BBS9: variants seen among roughly 807,000 people sequenced by gnomAD.
BBS9 encodes Bardet-Biedl syndrome 9.
BBS9 carries 89 observed loss-of-function variants against 117.7 expected under a neutral mutation model. The observed-to-expected ratio is 0.76, with a 90% CI of 0.64 to 0.90. The LOEUF (loss-of-function observed/expected upper bound fraction) is 0.90, where lower values mean the gene tolerates loss of function less well. BBS9 is among the 40% of genes least tolerant of loss of function. The pLI, the probability that BBS9 is intolerant of heterozygous loss-of-function variation, is 0.00. For missense variants in BBS9, 982 were observed against 1,042.2 expected (o/e 0.94, Z 0.80); for synonymous variants, 379 against 370.9 (o/e 1.02, Z -0.25).
intron 19 of BBS9, among the ~76,000 whole-genome samples, chr7:33,489,699 G>C (rs904115836): frequency 6.6e-6 from 1 of 152,038 alleles, no homozygotes; most frequent in Non-Finnish European, 1.5e-5. Flanking sequence ...GGTGTTTTTA[G>C]GGGAATTAAA....
At chr7:33,209,494 A>G (rs970832420) in intron 5 of BBS9, among the ~76,000 whole-genome samples, 1 of 152,030 alleles carries the variant, frequency 6.6e-6, no homozygotes. Context: ...TGGTAGCTCT[A>G]TTTTTGATTT....
downstream of BBS9, among the ~76,000 whole-genome samples, chr7:33,609,272 C>G (rs1864745586): frequency 6.6e-6 from 1 of 152,024 alleles, no homozygotes; most frequent in South Asian, 2.1e-4. Flanking sequence ...TTGAAATGAT[C>G]TTCATTACCA....
intron 19 of BBS9, among the ~76,000 whole-genome samples, chr7:33,407,114 T>C (rs1317252751): frequency 6.6e-6 from 1 of 152,230 alleles, no homozygotes; most frequent in Non-Finnish European, 1.5e-5. Flanking sequence ...CCCATATTTC[T>C]TGGAGGCTTT....
chr7:33,553,194 C>G (rs1263298517), intron 21 of BBS9, among the ~76,000 whole-genome samples: 1 of 152,164 alleles, frequency 6.6e-6, no homozygotes, highest in Non-Finnish European at 1.5e-5. Flanking sequence ...CACTCATGGT[C>G]TCTTGGACTT....
chr7:33,238,153 C>G (rs1028902705), intron 5 of BBS9, among the ~76,000 whole-genome samples: 1 of 152,190 alleles, frequency 6.6e-6, no homozygotes, highest in African/African-American at 2.4e-5. Flanking sequence ...CATTTGCCTT[C>G]TTGCCAAGGT....
chr7:33,611,950 G>A (rs1260739909), intron 21 of BBS9, among the ~76,000 whole-genome samples: 3 of 150,254 alleles, frequency 2.0e-5, no homozygotes, highest in African/African-American at 7.3e-5. Context: ...CTCCTCTGAT[G>A]CCTGGTTGTC....
chr7:33,601,040 AG>A (rs1306116520), intron 21 of BBS9, among the ~76,000 whole-genome samples: 1 of 152,210 alleles, frequency 6.6e-6, no homozygotes. Context: ...GAAAAGGGGC[AG>A]GGGGAGGGCC....
intron 9 of BBS9, among the ~76,000 whole-genome samples, chr7:33,292,783 G>A (rs1407162867): frequency 2.6e-5 from 4 of 152,084 alleles, no homozygotes; most frequent in African/African-American, 9.7e-5. Context: ...CAAGGCAGGT[G>A]GATCACGAGA....
chr7:33,240,324 C>T (rs1794279208), intron 5 of BBS9, among the ~76,000 whole-genome samples: 1 of 150,398 alleles, frequency 6.6e-6, no homozygotes, highest in Non-Finnish European at 1.5e-5. Flanking sequence ...GTGCCATGAT[C>T]ATGGCTCACT....
intron 9 of BBS9, among the ~76,000 whole-genome samples, chr7:33,295,526 T>C (rs1206217867): frequency 6.6e-6 from 1 of 151,982 alleles, no homozygotes; most frequent in African/African-American, 2.4e-5. Flanking sequence ...TCTGCAGAAT[T>C]TTTTCTACCT....
intron 9 of BBS9, among the ~76,000 whole-genome samples, chr7:33,294,787 A>G (rs538230635): frequency 3.3e-5 from 5 of 152,324 alleles, no homozygotes; most frequent in South Asian, 2.1e-4. Context: ...TAGAAATTCA[A>G]ATGGTTGCTT....
At chr7:33,609,202 G>T (rs542544544), downstream of BBS9, among the ~76,000 whole-genome samples, 174 of 152,058 alleles carry the variant, frequency 1.1e-3, 2 homozygotes, top group South Asian at 9.4e-3. Flanking sequence ...TCACTATTTT[G>T]TTCCATTGGT....
intron 5 of BBS9, among the ~76,000 whole-genome samples, chr7:33,209,690 C>T (rs951913300): frequency 6.6e-6 from 1 of 152,154 alleles, no homozygotes; most frequent in African/African-American, 2.4e-5. Flanking sequence ...TATAGTTGCT[C>T]ATAGTACCTC....
chr7:33,309,375 T>G (rs757504528), intron 9 of BBS9, among the ~76,000 whole-genome samples: 5 of 147,400 alleles, frequency 3.4e-5, no homozygotes, highest in Non-Finnish European at 3.0e-5. Context: ...GTTTGACTGG[T>G]GAATGAACCC....
At chr7:33,635,513 C>T (rs1323858238) in exon 22 of BBS9, among the ~76,000 whole-genome samples, 2 of 152,342 alleles carry the variant, frequency 1.3e-5, no homozygotes, top group African/African-American at 4.8e-5. Context: ...GCGGCTCTTC[C>T]AGTCTGTGAG....
intron 19 of BBS9, among the ~76,000 whole-genome samples, chr7:33,445,062 A>G (rs1479383369): frequency 6.6e-5 from 10 of 152,140 alleles, no homozygotes; most frequent in Admixed American, 4.6e-4. Flanking sequence ...TGAGTGGAGA[A>G]AGGAGAGGAA....
At chr7:33,215,187 C>T (rs180856615) in intron 5 of BBS9, among the ~76,000 whole-genome samples, 7 of 152,024 alleles carry the variant, frequency 4.6e-5, no homozygotes, top group South Asian at 2.1e-4. Context: ...AGCGAGACTC[C>T]GTCTCAGAAA....
At chr7:33,551,221 T>G (rs896000129) in intron 21 of BBS9, among the ~76,000 whole-genome samples, 1 of 152,056 alleles carries the variant, frequency 6.6e-6, no homozygotes, top group African/African-American at 2.4e-5. Flanking sequence ...AGCAAGGGGG[T>G]GCCAGGCCCC....
intron 5 of BBS9, among the ~76,000 whole-genome samples, chr7:33,202,527 G>A (rs1786064436): frequency 6.6e-6 from 1 of 152,148 alleles, no homozygotes; most frequent in Non-Finnish European, 1.5e-5. Flanking sequence ...ATTGGCTCAG[G>A]GTTCTGCAGG....
Sources: allele counts gnomAD v4.1 joint callset (sites outside exome capture counted in the v4.1 genomes callset), GRCh38; gene constraint gnomAD v4.1.1; transcripts MANE v1.5; gene names NCBI Gene and HGNC (gene_info 2026-07-23, HGNC 2026-07-21).